Variants in OSBPL10 observed in about 807,000 individuals in gnomAD.
The protein encoded by OSBPL10 is oxysterol binding protein like 10.
In OSBPL10, 49 loss-of-function variants were observed where a neutral mutation model predicts 81.7. That is an observed-to-expected ratio of 0.60 (90% CI 0.48 to 0.76). OSBPL10 has a LOEUF of 0.76. Ranked by LOEUF, OSBPL10 falls within the 30% of genes least tolerant of loss-of-function variation. The pLI, the probability that OSBPL10 is intolerant of heterozygous loss-of-function variation, is 0.00. For missense variants in OSBPL10, 923 were observed against 987.8 expected (o/e 0.93, Z 0.88); for synonymous variants, 419 against 383.6 (o/e 1.09, Z -1.08).
intron 1 of OSBPL10, among the ~76,000 whole-genome samples, chr3:31,964,025 G>A (rs1042207835): frequency 2.0e-5 from 3 of 152,072 alleles, no homozygotes; most frequent in Non-Finnish European, 4.4e-5. Context: ...TCCAAACCAA[G>A]AGGGAATGTC....
intron 4 of OSBPL10, among the ~76,000 whole-genome samples, chr3:31,783,926 C>T (rs1475213095): frequency 2.2e-5 from 3 of 135,686 alleles, no homozygotes; most frequent in African/African-American, 8.1e-5. Context: ...TAGAAATTTA[C>T]TGCAGAAAAA....
Position 31,661,809 on chromosome 3 carries a change from T to A in OSBPL10, c.*263A>T, listed in dbSNP as rs1020198729. 5.6e-6 allele frequency: 2 copies of A among 357,708 alleles called. No individual in the cohort carries two copies. The highest frequency in any genetic ancestry group is 9.9e-6 in the Non-Finnish European group (2 of 201,662). The allele number at this position is 357,708 out of a possible 1,614,324, so 22.2% of individuals were successfully genotyped here. On this transcript the variant is annotated 3_prime_UTR_variant, in exon 12 of 12. Coordinates refer to ENST00000396556, the MANE Select transcript of OSBPL10 (RefSeq NM_017784.5). ...GTGAGTGCAGTATTTAAATGTGTAA[T>A]CATACTCAGATGTTTACATAGTGCA...
At chr3:32,024,752 G>A (rs779838223) in intron 2 of OSBPL10, among the ~76,000 whole-genome samples, 1 of 152,150 alleles carries the variant, frequency 6.6e-6, no homozygotes, top group East Asian at 1.9e-4. Flanking sequence ...GGGATTACAG[G>A]CATGAGCTAC....
intron 7 of OSBPL10, among the ~76,000 whole-genome samples, chr3:31,689,614 G>A (rs1277915785): frequency 6.6e-6 from 1 of 152,164 alleles, no homozygotes; most frequent in African/African-American, 2.4e-5. Context: ...GGGACCCAGT[G>A]GGAGGTAATT....
In OSBPL10 at chr3:31,980,912, C is replaced by G; in HGVS notation, c.268G>C (p.Gly90Arg). ...CTGGCGCGTTACCTGTTCTGCCAGC[C>G]CTGGAGGAGGTTGGTGTATTTGCTG... ...VLSKYTNLLQ[G>R]WQNRYFVLDF... The change falls in exon 1 of 12, where the codon GGC (glycine) becomes CGC (arginine). Residue 90 changes from glycine (G) to arginine (R), a missense_variant. This residue lies in a region of OSBPL10 where 514 missense variants were observed against 508.0 expected (regional missense o/e 1.01). Coordinates refer to ENST00000396556, the MANE Select transcript of OSBPL10 (RefSeq NM_017784.5). 1.3e-6 allele frequency: 2 copies of G among 1,576,754 alleles called. No homozygotes were observed. The highest frequency in any genetic ancestry group is 1.7e-6 in the Non-Finnish European group (2 of 1,164,966).
Position 31,830,153 on chromosome 3 carries a change from T to G in OSBPL10, c.616A>C (p.Arg206=). ...TPNSASPCSQ[R]HLSVGAPGVV... ...CCGGGGGCCCCCACACTGAGGTGTC[T>G]CTGGCTACAGGGAGACGCAGAATTG... Residue 206 remains arginine, a synonymous_variant, in exon 4 of 12, where the codon AGA becomes CGA. Transcript: ENST00000396556. 3 of 1,614,160 alleles carry G rather than the reference T, an allele frequency of 1.9e-6. No homozygotes were observed.
chr3:31,943,705 T>C (rs775859574), intron 1 of OSBPL10, among the ~76,000 whole-genome samples: 1 of 152,102 alleles, frequency 6.6e-6, no homozygotes, highest in Non-Finnish European at 1.5e-5. Flanking sequence ...CAGTGGCTCA[T>C]GCCTGTAATC....
At chr3:32,002,228 T>C (rs1699156322) in intron 2 of OSBPL10, among the ~76,000 whole-genome samples, 1 of 152,188 alleles carries the variant, frequency 6.6e-6, no homozygotes, top group South Asian at 2.1e-4. Flanking sequence ...GGTGCTATGA[T>C]GAATTGCTGT....
intron 8 of OSBPL10, among the ~76,000 whole-genome samples, chr3:31,680,516 A>AGGCAAGCTGCCTCTCTCGGGCTCCTC (rs1700615791): frequency 1.3e-5 from 2 of 152,316 alleles, no homozygotes; most frequent in Admixed American, 1.3e-4. Flanking sequence ...ATGGGTTCCT[A>AGGCAAGCTGCCTCTCTCGGGCTCCTC]GGCAAGCTGC....
intron 8 of OSBPL10, among the ~76,000 whole-genome samples, chr3:31,673,830 G>A (rs1276651695): frequency 2.0e-5 from 3 of 152,120 alleles, no homozygotes; most frequent in African/African-American, 7.2e-5. Flanking sequence ...GTCCCACTCA[G>A]TCACTCAGGC....
In OSBPL10 at chr3:31,924,695, CCAGA is replaced by C. The variant is rs1697021009; in HGVS notation, c.282-44869_282-44866del. ...ATTGGCAAACTTTTTCTACAAAGGCCCAGACAGTCATTTTAGGCATCACAAGCCA... is the reference window on the plus strand; with the variant it reads ...ATTGGCAAACTTTTTCTACAAAGGCCCAGTCATTTTAGGCATCACAAGCCA... On this transcript the variant is annotated intron_variant, in intron 1 of 11. Coordinates refer to ENST00000396556, the MANE Select transcript of OSBPL10 (RefSeq NM_017784.5). 1.2e-4 allele frequency among the ~76,000 whole-genome samples: 19 copies of C among 152,070 alleles called. 2 individuals are homozygous for C. In the South Asian group the frequency reaches 3.9e-3, roughly 32 times the overall value.
chr3:32,010,840 A>C (rs77348918), intron 2 of OSBPL10, among the ~76,000 whole-genome samples: 1 of 152,154 alleles, frequency 6.6e-6, no homozygotes, highest in Non-Finnish European at 1.5e-5. Flanking sequence ...AGCCTCACTC[A>C]TTGCTAGCAC....
chr3:31,842,272 C>T (rs1489297884), intron 3 of OSBPL10, among the ~76,000 whole-genome samples: 1 of 152,214 alleles, frequency 6.6e-6, no homozygotes, highest in African/African-American at 2.4e-5. Flanking sequence ...AGACTTAGGA[C>T]TTCTCTTGAA....
intron 4 of OSBPL10, among the ~76,000 whole-genome samples, chr3:31,828,400 T>C (rs1256422427): frequency 6.6e-6 from 1 of 152,222 alleles, no homozygotes; most frequent in Non-Finnish European, 1.5e-5. Context: ...TACTATTCTA[T>C]TTTGCATATA....
At chr3:31,806,164 A>G (rs1699518688) in intron 4 of OSBPL10, among the ~76,000 whole-genome samples, 1 of 152,106 alleles carries the variant, frequency 6.6e-6, no homozygotes, top group Non-Finnish European at 1.5e-5. Context: ...CTCCCCTCCA[A>G]GAATGATGGA....
intron 6 of OSBPL10, among the ~76,000 whole-genome samples, chr3:31,703,409 T>C (rs1173047832): frequency 1.3e-5 from 2 of 152,236 alleles, no homozygotes; most frequent in Non-Finnish European, 2.9e-5. Context: ...TTTCCAATTA[T>C]CAATAACAGG....
At chr3:31,812,110 C>G (rs1370034027) in intron 4 of OSBPL10, among the ~76,000 whole-genome samples, 1 of 152,196 alleles carries the variant, frequency 6.6e-6, no homozygotes, top group African/African-American at 2.4e-5. Context: ...TCACTGCAAC[C>G]TCCGCCTGCC....
At chr3:31,721,897 C>T (rs553336035) in intron 6 of OSBPL10, among the ~76,000 whole-genome samples, 21 of 152,302 alleles carry the variant, frequency 1.4e-4, no homozygotes, top group African/African-American at 5.1e-4. Flanking sequence ...TACCATTATA[C>T]AACCATTAAT....
At position 31,896,229 on chromosome 3, in the gene OSBPL10, A is replaced by G. The variant is rs1351802822; in HGVS notation, c.282-16399T>C. Among the ~76,000 whole-genome samples the G allele has an allele frequency of 8.5e-5, 13 of 152,226 alleles. No homozygotes were observed. In the East Asian group the frequency reaches 2.5e-3, roughly 29 times the overall value. On this transcript the variant is annotated intron_variant, in intron 1 of 11. Coordinates refer to ENST00000396556, the MANE Select transcript of OSBPL10 (RefSeq NM_017784.5). ...AACCATCACACTTTGTAGAGGAAAG[A>G]GTTATTGCATCACTTTTCAGACTTC...
Sources: allele counts gnomAD v4.1 joint callset (sites outside exome capture counted in the v4.1 genomes callset), GRCh38; gene constraint gnomAD v4.1.1; regional missense constraint gnomAD v4.1.1; transcripts MANE v1.5; gene names NCBI Gene and HGNC (gene_info 2026-07-23, HGNC 2026-07-21).